The following SOX5 variants were observed in gnomAD, a reference collection of about 807,000 sequenced individuals.
SOX5 encodes transcription factor SOX-5.
In SOX5, 9 loss-of-function variants were observed where a neutral mutation model predicts 92.0. The ratio of observed to expected loss-of-function variants is 0.10; its 90% CI spans 0.06 to 0.17. The LOEUF (loss-of-function observed/expected upper bound fraction) is 0.17. SOX5 is among the 10% of genes least tolerant of loss of function. The pLI, the probability that SOX5 is intolerant of heterozygous loss-of-function variation, is 1.00. For synonymous variants in SOX5, 344 were observed against 336.3 expected (o/e 1.02, Z -0.25); for missense variants, 642 against 944.5 (o/e 0.68, Z 4.20).
intron 4 of SOX5, among the ~76,000 whole-genome samples, chr12:24,186,943 A>C (rs1956074638): frequency 6.6e-6 from 1 of 152,190 alleles, no homozygotes; most frequent in African/African-American, 2.4e-5. Flanking sequence ...CACATTAAAA[A>C]AAAGTAAAAG....
chr12:23,605,492 T>TACAC (rs112964619), intron 8 of SOX5, among the ~76,000 whole-genome samples: 8 of 149,216 alleles, frequency 5.4e-5, no homozygotes, highest in African/African-American at 2.0e-4. Context: ...AAATAAATTT[T>TACAC]ACACACACAC....
At chr12:24,076,264 A>G (rs1230201917) in intron 4 of SOX5, among the ~76,000 whole-genome samples, 1 of 152,134 alleles carries the variant, frequency 6.6e-6, no homozygotes, top group Non-Finnish European at 1.5e-5. Flanking sequence ...TTGTAAACCC[A>G]CAAAACCCAG....
intron 1 of SOX5, among the ~76,000 whole-genome samples, chr12:24,518,890 A>G (rs1429681581): frequency 6.6e-6 from 1 of 152,226 alleles, no homozygotes; most frequent in Non-Finnish European, 1.5e-5. Flanking sequence ...ATATTTAGGA[A>G]ACAAAACTTC....
chr12:23,554,986 T>G (rs61923838), intron 11 of SOX5, among the ~76,000 whole-genome samples: 2 of 152,040 alleles, frequency 1.3e-5, no homozygotes, highest in Non-Finnish European at 2.9e-5. Context: ...GAAAGACCAC[T>G]CTTTGATAGG....
chr12:24,091,428 A>ATTTTTTTTTTTTTTT (rs556198750), intron 4 of SOX5, among the ~76,000 whole-genome samples: 1 of 122,696 alleles, frequency 8.2e-6, no homozygotes, highest in African/African-American at 3.1e-5. Context: ...AGAGAATGCT[A>ATTTTTTTTTTTTTTT]TTTTTTTTTT....
intron 7 of SOX5, among the ~76,000 whole-genome samples, chr12:23,649,293 A>AC (rs2081263673): frequency 6.6e-6 from 1 of 151,958 alleles, no homozygotes; most frequent in Non-Finnish European, 1.5e-5. Flanking sequence ...AAAAAAAAAG[A>AC]GTTTTTATTG....
chr12:24,425,260 T>C (rs1487752140), intron 1 of SOX5, among the ~76,000 whole-genome samples: 4 of 152,248 alleles, frequency 2.6e-5, no homozygotes, highest in Non-Finnish European at 4.4e-5. Flanking sequence ...CACTCATTAA[T>C]CATAGGTATA....
At chr12:23,640,232 C>T (rs1224434273) in intron 8 of SOX5, among the ~76,000 whole-genome samples, 2 of 152,166 alleles carry the variant, frequency 1.3e-5, no homozygotes, top group Non-Finnish European at 2.9e-5. Flanking sequence ...GTAAAGTTAT[C>T]GTTGACATTC....
At chr12:24,523,666 G>T (rs1442772919) in intron 1 of SOX5, among the ~76,000 whole-genome samples, 1 of 152,178 alleles carries the variant, frequency 6.6e-6, no homozygotes, top group Non-Finnish European at 1.5e-5. Flanking sequence ...GAAAAATCGT[G>T]CTGGGAAAAC....
chr12:23,699,864 G>A (rs1200749256), intron 6 of SOX5, among the ~76,000 whole-genome samples: 1 of 152,078 alleles, frequency 6.6e-6, no homozygotes, highest in Non-Finnish European at 1.5e-5. Flanking sequence ...TAGCCTAGTG[G>A]TTAAGAGAGT....
intron 1 of SOX5, among the ~76,000 whole-genome samples, chr12:23,907,603 T>G (rs2097307153): frequency 6.6e-6 from 1 of 152,162 alleles, no homozygotes; most frequent in Non-Finnish European, 1.5e-5. Flanking sequence ...GAGAGTGTTT[T>G]AATGTCTACA....
chr12:24,121,800 C>T (rs533289398), intron 4 of SOX5, among the ~76,000 whole-genome samples: 6 of 143,996 alleles, frequency 4.2e-5, no homozygotes, highest in South Asian at 2.2e-4. Context: ...GCAGGAGAAT[C>T]GCTTGAACCT....
chr12:23,672,374 T>C (rs777998235), intron 6 of SOX5, among the ~76,000 whole-genome samples: 17 of 152,096 alleles, frequency 1.1e-4, no homozygotes, highest in Non-Finnish European at 2.5e-4. Context: ...ACAAGGAAAA[T>C]TGCTTTTCTT....
intron 1 of SOX5, among the ~76,000 whole-genome samples, chr12:23,936,174 G>A (rs1942512977): frequency 6.6e-6 from 1 of 150,914 alleles, no homozygotes; most frequent in African/African-American, 2.4e-5. Flanking sequence ...GAGAAAGTTT[G>A]GATCACATCT....
At chr12:24,068,169 T>C (rs1941104855) in intron 4 of SOX5, among the ~76,000 whole-genome samples, 1 of 151,900 alleles carries the variant, frequency 6.6e-6, no homozygotes, top group African/African-American at 2.4e-5. Context: ...AAAAAAAACT[T>C]AAAGGGTAAT....
chr12:23,841,994 G>A (rs2096524499), intron 3 of SOX5, among the ~76,000 whole-genome samples: 1 of 152,090 alleles, frequency 6.6e-6, no homozygotes, highest in African/African-American at 2.4e-5. Flanking sequence ...AAATCATAGA[G>A]GAGTGTGAGG....
At chr12:23,989,400 C>T (rs1361523092) in intron 4 of SOX5, among the ~76,000 whole-genome samples, 1 of 151,594 alleles carries the variant, frequency 6.6e-6, no homozygotes, top group African/African-American at 2.4e-5. Context: ...ATCAATCAAT[C>T]AATCAATCAA....
chr12:24,032,868 CT>C (rs1187159204), intron 4 of SOX5, among the ~76,000 whole-genome samples: 1 of 151,894 alleles, frequency 6.6e-6, no homozygotes, highest in African/African-American at 2.4e-5. Context: ...CTCTCTTCTG[CT>C]GCTTATTAGG....
At chr12:23,575,109 T>G (rs1451532658) in intron 10 of SOX5, among the ~76,000 whole-genome samples, 2 of 152,234 alleles carry the variant, frequency 1.3e-5, no homozygotes, top group African/African-American at 4.8e-5. Context: ...AAAGTCAGCT[T>G]ATAGAAGTGT....
Sources: allele counts gnomAD v4.1 joint callset (sites outside exome capture counted in the v4.1 genomes callset), GRCh38; gene constraint gnomAD v4.1.1; transcripts MANE v1.5; gene names NCBI Gene and HGNC (gene_info 2026-07-23, HGNC 2026-07-21).